ZFYVE27: variants seen among roughly 807,000 people sequenced by gnomAD.
ZFYVE27 encodes the protein zinc finger FYVE-type containing 27, also known as protrudin.
A neutral mutation model predicts 52.8 loss-of-function variants in ZFYVE27; 36 were observed. That is an observed-to-expected ratio of 0.68 (90% CI 0.52 to 0.90). ZFYVE27 has a LOEUF of 0.90. Among genes scored for constraint, ZFYVE27 ranks in the 40% least tolerant of loss-of-function variants. The pLI, the probability that ZFYVE27 is intolerant of heterozygous loss-of-function variation, is 0.00. For synonymous variants in ZFYVE27, 223 were observed against 215.6 expected (o/e 1.03, Z -0.30); for missense variants, 450 against 527.2 (o/e 0.85, Z 1.43).
intron 10 of ZFYVE27, among the ~76,000 whole-genome samples, 173 bp downstream of exon 10, chr10:97,753,355 G>A (rs565760789): frequency 1.4e-4 from 22 of 152,270 alleles, no homozygotes; most frequent in African/African-American, 4.3e-4. Context: ...GCAGATGCCC[G>A]GCAGGACTGC....
chr10:97,753,240 C>G, intron 10 of ZFYVE27, 58 bp downstream of exon 10: 1 of 1,571,608 alleles, frequency 6.4e-7, no homozygotes, highest in Non-Finnish European at 8.6e-7. Context: ...TTCTGGGACT[C>G]TAGTGGGGAA....
chr10:97,743,157 G>A lies in ZFYVE27; in HGVS notation c.261G>A (p.Leu87=), dbSNP rs1410104486. The change falls in exon 3 of 13, where the codon TTG becomes TTA. Residue 87 remains leucine, a synonymous_variant. Transcript: ENST00000684270. The part of the protein sequence containing the change: ...CLGLNVLFLT[L]NEGAWYSVGA... ...GCCTCAACGTCTTGTTCCTCACTTT[G>A]AATGAGGGTAAGAACTGCCTTCAGG... is the stretch of plus-strand genomic sequence containing the variant. 6.2e-7 allele frequency: 1 copy of A among 1,614,200 alleles called. No individual in the cohort carries two copies. Among genetic ancestry groups the A allele is most frequent in the Admixed American group, 1.7e-5 (1 of 60,024 alleles).
chr10:97,755,253 G>A (rs1025314705), intron 10 of ZFYVE27, among the ~76,000 whole-genome samples: 5 of 152,244 alleles, frequency 3.3e-5, no homozygotes, highest in Non-Finnish European at 7.3e-5. Context: ...GAGGGCAGGT[G>A]TAGCAGCTCT....
At chr10:97,752,957 G>C (rs1209575738) in intron 9 of ZFYVE27, 80 bp downstream of exon 9, 1 of 1,612,954 alleles carries the variant, frequency 6.2e-7, no homozygotes, top group Non-Finnish European at 8.5e-7. Context: ...CCTCGTGGGG[G>C]CTGCCGCGCA....
chr10:97,752,457 G>A (rs1456061424), intron 8 of ZFYVE27, among the ~76,000 whole-genome samples: 1 of 152,114 alleles, frequency 6.6e-6, no homozygotes, highest in African/African-American at 2.4e-5. Context: ...GGGTTTTCAA[G>A]CATTTTTGTT....
intron 2 of ZFYVE27, among the ~76,000 whole-genome samples, chr10:97,741,727 C>T (rs191971323): frequency 7.5e-4 from 114 of 152,182 alleles, no homozygotes; most frequent in African/African-American, 2.7e-3. Context: ...CAAACCTGCA[C>T]GTTCTGCACA....
chr10:97,745,400 C>T (rs115867952), intron 4 of ZFYVE27, among the ~76,000 whole-genome samples: 4,032 of 151,944 alleles, frequency 0.027, 140 homozygotes, highest in African/African-American at 0.075. Context: ...ACGATGGTCT[C>T]GATCTCTTGA....
intron 11 of ZFYVE27, 134 bp from the exon 12 acceptor site, chr10:97,757,508 C>CT (rs1258744770): frequency 1.2e-5 from 15 of 1,275,294 alleles, no homozygotes; most frequent in African/African-American, 5.9e-5. Context: ...CATTTGCTCT[C>CT]TTTCCTGCTC....
At chr10:97,745,210 C>T (rs1449406945) in intron 4 of ZFYVE27, among the ~76,000 whole-genome samples, 2 of 151,518 alleles carry the variant, frequency 1.3e-5, no homozygotes, top group Non-Finnish European at 2.9e-5. Flanking sequence ...GAGTTTCGCT[C>T]TCGTTGTCCA....
intron 3 of ZFYVE27, 50 bp from the exon 4 acceptor site, chr10:97,744,679 C>T (rs1256918243): frequency 6.2e-7 from 1 of 1,607,402 alleles, no homozygotes; most frequent in Non-Finnish European, 8.5e-7. Context: ...GGTGGGCCGA[C>T]TCCTGGTCTT....
chr10:97,757,434 C>G (rs1333155041), intron 11 of ZFYVE27, 123 bp downstream of exon 11: 1 of 1,449,618 alleles, frequency 6.9e-7, no homozygotes, highest in African/African-American at 1.4e-5. Flanking sequence ...CAGTGGCTTT[C>G]TGGAGTGAGT....
At position 97,759,580 on chromosome 10, in the gene ZFYVE27, T is replaced by G. The variant is rs1339014632; in HGVS notation, c.*280T>G. ...CTGCCTGGGACTGAGCGAGTGGACT[T>G]AGGGCTGGGCAGGCAGTAGCCACCA... On this transcript the variant is annotated 3_prime_UTR_variant, in exon 13 of 13. Coordinates refer to ENST00000684270, the MANE Select transcript of ZFYVE27 (RefSeq NM_001385875.1). 1.4e-5 allele frequency: 7 copies of G among 509,376 alleles called. No homozygotes were observed. In the East Asian group the frequency reaches 2.5e-4, roughly 18 times the overall value. 31.6% of individuals were successfully genotyped at this position (509,376 alleles called of 1,614,324 possible).
intron 2 of ZFYVE27, among the ~76,000 whole-genome samples, chr10:97,740,390 A>T (rs1401004420): frequency 6.6e-6 from 1 of 152,146 alleles, no homozygotes; most frequent in Non-Finnish European, 1.5e-5. Flanking sequence ...GTATGAGGAG[A>T]GGCTGTTTTC....
intron 3 of ZFYVE27, 67 bp downstream of exon 3, chr10:97,743,231 G>A (rs2044227971): frequency 1.3e-6 from 2 of 1,557,830 alleles, no homozygotes; most frequent in Non-Finnish European, 1.8e-6. Context: ...CCTGGATGCA[G>A]CCCCACCCTA....
chr10:97,746,299 T>C (rs1470306586), intron 4 of ZFYVE27, among the ~76,000 whole-genome samples: 2 of 152,116 alleles, frequency 1.3e-5, no homozygotes, highest in Non-Finnish European at 2.9e-5. Context: ...CTGCCTGCCT[T>C]GGCCTCCCAA....
chr10:97,753,219 TGGG>T, intron 10 of ZFYVE27, 37 bp downstream of exon 10: 1 of 1,591,794 alleles, frequency 6.3e-7, no homozygotes, highest in Non-Finnish European at 8.5e-7. Context: ...GGTGGGGGAG[TGGG>T]GGTGGACTTC....
At chr10:97,754,398 G>A (rs2047814898) in intron 10 of ZFYVE27, among the ~76,000 whole-genome samples, 1 of 149,178 alleles carries the variant, frequency 6.7e-6, no homozygotes, top group Non-Finnish European at 1.5e-5. Context: ...CTGCATCCTC[G>A]ACTTCCTGGG....
chr10:97,759,579 T>C lies in ZFYVE27; in HGVS notation c.*279T>C, dbSNP rs956507967. On this transcript the variant is annotated 3_prime_UTR_variant, in exon 13 of 13. Transcript: ENST00000684270. ...TCTGCCTGGGACTGAGCGAGTGGAC[T>C]TAGGGCTGGGCAGGCAGTAGCCACC... 1.9e-6 allele frequency: 1 copy of C among 514,786 alleles called. No individual in the cohort carries two copies. Among genetic ancestry groups the C allele is most frequent in the Non-Finnish European group, 3.5e-6 (1 of 281,942 alleles). The allele number at this position is 514,786 out of a possible 1,614,324, so 31.9% of individuals were successfully genotyped here. A position where few individuals can be genotyped will look rare whatever the true frequency, so the allele number is the denominator to read the frequency against.
At chr10:97,742,088 C>A (rs1363883456) in intron 2 of ZFYVE27, among the ~76,000 whole-genome samples, 2 of 151,316 alleles carry the variant, frequency 1.3e-5, no homozygotes, top group Non-Finnish European at 2.9e-5. Flanking sequence ...CAAGATTGTG[C>A]CACTGCACTC....
Sources: gnomAD v4.1 joint callset for allele counts (sites outside exome capture counted in the v4.1 genomes callset) on GRCh38, gnomAD v4.1.1 for gene constraint, MANE v1.5 for transcripts, NCBI Gene and HGNC (gene_info 2026-07-23, HGNC 2026-07-21) for gene names.